MOB1B: variants seen among roughly 807,000 people sequenced by gnomAD.
MOB1B encodes the protein MOB kinase activator 1B.
MOB1B carries 19 observed loss-of-function variants against 24.4 expected under a neutral mutation model. The observed-to-expected ratio is 0.78, with a 90% CI of 0.54 to 1.14. The LOEUF is 1.14. MOB1B is among the 50% of genes most tolerant of loss of function. The probability of loss-of-function intolerance (pLI) is 0.00; values close to 1 mark genes in which losing one functional copy is unlikely to be tolerated. For missense variants in MOB1B, 243 were observed against 259.6 expected (o/e 0.94, Z 0.44); for synonymous variants, 76 against 82.1 (o/e 0.93, Z 0.40).
rs1560671313 is a variant in MOB1B at position 70,983,730 on chromosome 4, C to A, written c.*1673C>A. 1 of 152,520 alleles carries A rather than the reference C, an allele frequency of 6.6e-6. No individual in the cohort carries two copies. The highest frequency in any genetic ancestry group is 1.5e-5 in the Non-Finnish European group (1 of 67,988). 9.4% of individuals were successfully genotyped at this position (152,520 alleles called of 1,614,324 possible). On this transcript the variant is annotated 3_prime_UTR_variant, in exon 6 of 6. Coordinates refer to ENST00000309395, the MANE Select transcript of MOB1B (RefSeq NM_173468.4). ...GCAGTGATACAATTTAATGCCATTACAATTATGTTGACTAGAAACTGCCTT... is the reference window on the plus strand; with the variant it reads ...GCAGTGATACAATTTAATGCCATTAAAATTATGTTGACTAGAAACTGCCTT...
chr4:70,944,834 C>A (rs191836596), intron 1 of MOB1B, among the ~76,000 whole-genome samples: 29 of 152,232 alleles, frequency 1.9e-4, no homozygotes, highest in Admixed American at 1.8e-3. Context: ...ATCTCGAGAA[C>A]TCATTCACTA....
At chr4:70,933,887 C>A (rs1405416054) in intron 1 of MOB1B, among the ~76,000 whole-genome samples, 7 of 151,852 alleles carry the variant, frequency 4.6e-5, no homozygotes, top group Non-Finnish European at 1.0e-4. Flanking sequence ...AAGGTTTCAC[C>A]CCTCTCTTAC....
intron 4 of MOB1B, among the ~76,000 whole-genome samples, chr4:70,977,391 A>T (rs933250836): frequency 1.3e-5 from 2 of 152,200 alleles, no homozygotes; most frequent in Non-Finnish European, 2.9e-5. Flanking sequence ...AGCAATAGCA[A>T]TATGATGGCA....
chr4:70,959,151 A>G, intron 2 of MOB1B, 111 bp downstream of exon 2: 1 of 767,604 alleles, frequency 1.3e-6, no homozygotes, highest in Non-Finnish European at 2.1e-6. Flanking sequence ...TAATATCATA[A>G]AAGAGTGATA....
At chr4:70,941,559 T>C (rs1389571929) in intron 1 of MOB1B, among the ~76,000 whole-genome samples, 1 of 152,140 alleles carries the variant, frequency 6.6e-6, no homozygotes, top group Non-Finnish European at 1.5e-5. Context: ...GCCAGGATGG[T>C]CTCGATCTCC....
intron 4 of MOB1B, among the ~76,000 whole-genome samples, chr4:70,978,880 G>T (rs1472276237): frequency 6.6e-6 from 1 of 152,058 alleles, no homozygotes; most frequent in Non-Finnish European, 1.5e-5. Context: ...TAGAAATGTG[G>T]TGGTAGTATG....
intron 1 of MOB1B, among the ~76,000 whole-genome samples, chr4:70,938,369 T>C (rs907738287): frequency 3.9e-5 from 5 of 126,600 alleles, no homozygotes; most frequent in Non-Finnish European, 7.9e-5. Flanking sequence ...AGTCTTTGTT[T>C]GGAGGTTATT....
At chr4:70,910,945 G>A (rs566890585) in intron 1 of MOB1B, among the ~76,000 whole-genome samples, 11 of 151,990 alleles carry the variant, frequency 7.2e-5, no homozygotes, top group Non-Finnish European at 1.6e-4. Flanking sequence ...CCGCCACCAC[G>A]CCTGGCTAAT....
intron 1 of MOB1B, among the ~76,000 whole-genome samples, chr4:70,931,899 TTTG>T (rs1313390260): frequency 6.6e-6 from 1 of 151,824 alleles, no homozygotes; most frequent in Non-Finnish European, 1.5e-5. Context: ...CTGGCTAAGT[TTTG>T]TTGTTGTTGT....
chr4:70,925,740 T>C (rs369791697), intron 1 of MOB1B, among the ~76,000 whole-genome samples: 11 of 152,108 alleles, frequency 7.2e-5, no homozygotes, highest in African/African-American at 2.4e-4. Context: ...ATTTAAATGG[T>C]TTGAGATAAG....
At chr4:70,932,345 T>C (rs992177146) in intron 1 of MOB1B, among the ~76,000 whole-genome samples, 5 of 152,188 alleles carry the variant, frequency 3.3e-5, no homozygotes, top group Admixed American at 1.3e-4. Flanking sequence ...ACTAGACAGA[T>C]CAGCATTTCC....
chr4:70,965,023 C>T (rs1326133911), intron 2 of MOB1B, among the ~76,000 whole-genome samples: 1 of 150,796 alleles, frequency 6.6e-6, no homozygotes, highest in Non-Finnish European at 1.5e-5. Context: ...TTGGGCTCGG[C>T]GTGGTAGCTC....
At chr4:70,956,070 G>A (rs998054501) in intron 1 of MOB1B, among the ~76,000 whole-genome samples, 4 of 151,860 alleles carry the variant, frequency 2.6e-5, no homozygotes, top group Non-Finnish European at 4.4e-5. Context: ...TAGAGATGCT[G>A]GGAGCAAATT....
chr4:70,918,484 T>C lies in MOB1B; in HGVS notation c.14+15934T>C, dbSNP rs1736284847. ...CATGTGTTTTTTGGCTGCATAAATG[T>C]CTTCTTTTGAGAAGTGCCTGTTCAT... On this transcript the variant is annotated intron_variant, in intron 1 of 5. Transcript: ENST00000309395. Among the ~76,000 whole-genome samples the C allele has an allele frequency of 3.3e-5, 5 of 152,170 alleles. No individual in the cohort carries two copies. The South Asian group carries it at 1.0e-3, about 32-fold the overall frequency.
intron 1 of MOB1B, among the ~76,000 whole-genome samples, chr4:70,945,690 G>A (rs1737544810): frequency 1.3e-5 from 2 of 152,166 alleles, no homozygotes; most frequent in African/African-American, 2.4e-5. Context: ...ATGCAGTGAT[G>A]CCTTAGAAAC....
intron 4 of MOB1B, chr4:70,976,474 T>C (rs1428801486): frequency 1.0e-6 from 1 of 985,274 alleles, no homozygotes; most frequent in East Asian, 1.1e-4. Context: ...TTTGCTTTTT[T>C]GTATTTACTT....
At chr4:70,962,364 T>C (rs1253862328) in intron 2 of MOB1B, among the ~76,000 whole-genome samples, 1 of 152,170 alleles carries the variant, frequency 6.6e-6, no homozygotes, top group East Asian at 1.9e-4. Context: ...AAAAATCTAT[T>C]TGAATTTATG....
chr4:70,931,694 G>T (rs1736895223), intron 1 of MOB1B, among the ~76,000 whole-genome samples: 2 of 152,142 alleles, frequency 1.3e-5, no homozygotes, highest in Admixed American at 1.3e-4. Flanking sequence ...TGATTACCAA[G>T]AATTCCAAGT....
chr4:70,924,665 A>G (rs28447326), intron 1 of MOB1B, among the ~76,000 whole-genome samples: 6,921 of 152,150 alleles, frequency 0.045, 296 homozygotes, highest in African/African-American at 0.11. Context: ...ACAGTGTGTG[A>G]TATTCCCCGC....
Sources: allele counts gnomAD v4.1 joint callset (sites outside exome capture counted in the v4.1 genomes callset), GRCh38; gene constraint gnomAD v4.1.1; transcripts MANE v1.5; gene names NCBI Gene and HGNC (gene_info 2026-07-23, HGNC 2026-07-21).